Variants in BPIFB3 observed in about 807,000 individuals in gnomAD.
The protein encoded by BPIFB3 is BPI fold containing family B member 3.
A neutral mutation model predicts 53.1 loss-of-function variants in BPIFB3; 49 were observed. The ratio of observed to expected loss-of-function variants is 0.92; its 90% confidence interval spans 0.73 to 1.17. BPIFB3 has a LOEUF of 1.17. BPIFB3 is among the 50% of genes most tolerant of loss of function. The pLI is 0.00. For missense variants in BPIFB3, 628 were observed against 592.5 expected (o/e 1.06, Z -0.62); for synonymous variants, 271 against 269.6 (o/e 1.01, Z -0.05).
intron 6 of BPIFB3, among the ~76,000 whole-genome samples, chr20:33,064,042 C>T (rs1980560329): frequency 6.6e-6 from 1 of 152,254 alleles, no homozygotes; most frequent in African/African-American, 2.4e-5. Flanking sequence ...CCCGCAGCCA[C>T]AGCAGACCCC....
chr20:33,072,913 C>A, intron 14 of BPIFB3, 120 bp downstream of exon 15: 1 of 889,382 alleles, frequency 1.1e-6, no homozygotes, highest in East Asian at 2.6e-5. Context: ...GATCCATTTT[C>A]TAAATTTCTC....
intron 14 of BPIFB3, 22 bp from the exon 16 acceptor site, chr20:33,073,554 C>A: frequency 6.2e-7 from 1 of 1,613,802 alleles, no homozygotes; most frequent in Non-Finnish European, 8.5e-7. Context: ...GGGGTGTAAC[C>A]AAGAGCGGTT....
In BPIFB3 at chr20:33,062,055, G is replaced by A. The variant is rs564924582; in HGVS notation, c.591+224G>A. On this transcript the variant is annotated intron_variant, in intron 5 of 14. Transcript: ENST00000375494. ...GGCCTGGGTCCCCTGCTCCCAAATC[G>A]TAGGCTCCTAAGAAGGGTAAGAACC... 1.6e-3 allele frequency among the ~76,000 whole-genome samples: 4 copies of A among 2,444 alleles called. No individual in the cohort carries two copies. In the South Asian group the frequency reaches 0.083, roughly 51 times the overall value. The allele number at this position is 2,444 out of a possible 152,430, so 1.6% of individuals were successfully genotyped here.
chr20:33,065,947 G>T (rs1246042850), intron 8 of BPIFB3, among the ~76,000 whole-genome samples: 1 of 152,242 alleles, frequency 6.6e-6, no homozygotes, highest in Non-Finnish European at 1.5e-5. Context: ...GTCATAGCCA[G>T]GCAGAGACTC....
Position 33,068,705 on chromosome 20 carries a change from C to T in BPIFB3, c.979-98C>T, listed in dbSNP as rs938404689. ...CAGGCTGTAACCTCGTTGCCCAGCA[C>T]GTTGCCCAGTGCCTGGTAGGTGCTT... is the stretch of plus-strand genomic sequence containing the variant. On this transcript the variant is annotated intron_variant, in intron 9 of 14. Transcript: ENST00000375494. The T allele has an allele frequency of 2.5e-5, 32 of 1,271,286 alleles. No homozygotes were observed. In the Admixed American group the frequency reaches 3.9e-4, roughly 16 times the overall value. The allele number at this position is 1,271,286 out of a possible 1,614,324, so 78.8% of individuals were successfully genotyped here. A position where few individuals can be genotyped will look rare whatever the true frequency, so the allele number is the denominator to read the frequency against.
chr20:33,064,401 A>G (rs1323596165), intron 6 of BPIFB3, 56 bp from the exon 8 acceptor site: 6 of 1,402,766 alleles, frequency 4.3e-6, no homozygotes, highest in Non-Finnish European at 6.1e-6. Context: ...AATAGGGGCT[A>G]TTATGATTGG....
intron 4 of BPIFB3, 30 bp from the exon 6 acceptor site, chr20:33,061,738 C>T: frequency 1.9e-6 from 3 of 1,610,836 alleles, no homozygotes; most frequent in Non-Finnish European, 2.5e-6. Flanking sequence ...CACCTGGCAG[C>T]CGCACCCACA....
At chr20:33,059,101 G>T (rs1442258100) in intron 2 of BPIFB3, among the ~76,000 whole-genome samples, 3 of 152,156 alleles carry the variant, frequency 2.0e-5, no homozygotes, top group Non-Finnish European at 4.4e-5. Context: ...CTCTAGCGGT[G>T]ATGATGATAG....
exon 2 of BPIFB3, chr20:33,056,594 G>A (rs150528981): frequency 8.7e-6 from 14 of 1,613,990 alleles, no homozygotes; most frequent in South Asian, 3.3e-5. Context: ...TGCTGGGATC[G>A]GTCACAGCTG....
At chr20:33,061,452 A>G (rs1418871609) in intron 4 of BPIFB3, among the ~76,000 whole-genome samples, 1 of 152,098 alleles carries the variant, frequency 6.6e-6, no homozygotes, top group Admixed American at 6.5e-5. Context: ...TCTTGTCTAC[A>G]ACTGTTAGAG....
chr20:33,060,032 G>A lies in BPIFB3; in HGVS notation c.527+1G>A. ...TGGGCCACATCAGCCTGTTCTCAGG[G>A]TGAGTCTGCAGGTTCCAGCCTGCAA... On this transcript the variant is annotated splice_donor_variant, in intron 4 of 14. Coordinates refer to ENST00000375494, the Ensembl canonical transcript of BPIFB3. LOFTEE classifies it high-confidence loss of function. 1.9e-6 allele frequency: 3 copies of A among 1,613,580 alleles called. No individual in the cohort carries two copies. The highest frequency in any genetic ancestry group is 2.5e-6 in the Non-Finnish European group (3 of 1,179,770).
At chr20:33,072,868 G>A in intron 14 of BPIFB3, 75 bp downstream of exon 15, 1 of 1,253,336 alleles carries the variant, frequency 8.0e-7, no homozygotes, top group Non-Finnish European at 1.2e-6. Context: ...AAACTAATGA[G>A]GGGAATGCTT....
chr20:33,056,458 A>C (rs981860954), intron 1 of BPIFB3, 84 bp from the exon 3 acceptor site: 2 of 1,511,496 alleles, frequency 1.3e-6, no homozygotes, highest in African/African-American at 1.4e-5. Flanking sequence ...AGCCTACTCA[A>C]TCTCAGAGGA....
chr20:33,061,942 C>G (rs1370738795), intron 5 of BPIFB3, 111 bp downstream of exon 6: 7 of 1,259,226 alleles, frequency 5.6e-6, no homozygotes, highest in Non-Finnish European at 7.9e-6. Flanking sequence ...TACTTCCCTT[C>G]CACACCCACC....
intron 9 of BPIFB3, among the ~76,000 whole-genome samples, 180 bp from the exon 11 acceptor site, chr20:33,068,623 G>C (rs1029140784): frequency 6.6e-6 from 1 of 152,146 alleles, no homozygotes; most frequent in Non-Finnish European, 1.5e-5. Context: ...CCTGCAGGTC[G>C]GTGTCTCCAC....
chr20:33,054,359 G>A (rs375152308), upstream of BPIFB3, among the ~76,000 whole-genome samples: 1 of 152,162 alleles, frequency 6.6e-6, no homozygotes, highest in Non-Finnish European at 1.5e-5. Context: ...GGAGTTTACA[G>A]GGAAGAGAAA....
Position 33,068,792 on chromosome 20 carries a change from C to A in BPIFB3, c.979-11C>A, listed in dbSNP as rs752810312. On this transcript the variant is annotated splice_polypyrimidine_tract_variant and intron_variant, in intron 9 of 14. Coordinates refer to ENST00000375494, the Ensembl canonical transcript of BPIFB3. ...CTGGGGCATCTAAGTTATGCCCCTG[C>A]ATTTCTCCAGGCCCTGGGGAAGCTG... 6.2e-6 allele frequency: 10 copies of A among 1,611,560 alleles called. No individual in the cohort carries two copies. The African/African-American group carries it at 8.0e-5, about 13-fold the overall frequency.
chr20:33,064,083 G>GCCTT (rs1263534849), intron 6 of BPIFB3, among the ~76,000 whole-genome samples: 2 of 152,226 alleles, frequency 1.3e-5, no homozygotes, highest in Admixed American at 1.3e-4. Flanking sequence ...AGACACAAGT[G>GCCTT]CCTTCTGTGT....
At chr20:33,071,895 G>A (rs1381913367) in intron 12 of BPIFB3, among the ~76,000 whole-genome samples, 1 of 152,214 alleles carries the variant, frequency 6.6e-6, no homozygotes, top group Non-Finnish European at 1.5e-5. Context: ...GGTAAAGCCA[G>A]CCTAAATCAC....
Sources: allele counts gnomAD v4.1 joint callset (sites outside exome capture counted in the v4.1 genomes callset), GRCh38; gene constraint gnomAD v4.1.1; transcripts MANE v1.5; gene names NCBI Gene and HGNC (gene_info 2026-07-23, HGNC 2026-07-21).